The following CDIN1 variants were observed in gnomAD, a reference collection of about 807,000 sequenced individuals.
The protein encoded by CDIN1 is CDAN1-interacting nuclease 1.
In CDIN1, 33 loss-of-function variants were observed where a neutral mutation model predicts 45.3. That is an observed-to-expected ratio of 0.73 (90% confidence interval 0.55 to 0.97). The LOEUF (loss-of-function observed/expected upper bound fraction) is 0.97. CDIN1 is among the 50% of genes least tolerant of loss of function. The pLI is 0.00. For synonymous variants in CDIN1, 118 were observed against 124.4 expected, an observed-to-expected ratio of 0.95 and a Z score of 0.34; for missense variants, 303 against 339.4, an observed-to-expected ratio of 0.89 and a Z score of 0.84.
intron 10 of CDIN1, among the ~76,000 whole-genome samples, chr15:36,730,497 G>T (rs1457844704): frequency 6.6e-6 from 1 of 152,094 alleles, no homozygotes; most frequent in East Asian, 1.9e-4. Flanking sequence ...AGTAGGCAGA[G>T]TAAGAGTGTT....
At chr15:36,652,759 C>A (rs188828535) in intron 3 of CDIN1, among the ~76,000 whole-genome samples, 1 of 152,220 alleles carries the variant, frequency 6.6e-6, no homozygotes, top group Admixed American at 6.5e-5. Context: ...TTTGCTGTTA[C>A]CCCACTTTGC....
At chr15:36,746,024 T>C (rs1471066978) in intron 10 of CDIN1, among the ~76,000 whole-genome samples, 3 of 152,066 alleles carry the variant, frequency 2.0e-5, no homozygotes, top group Non-Finnish European at 4.4e-5. Flanking sequence ...CAGAAATATA[T>C]ACAAAAAACA....
chr15:36,746,499 AT>A, intron 10 of CDIN1, among the ~76,000 whole-genome samples: 1 of 152,124 alleles, frequency 6.6e-6, no homozygotes, highest in Non-Finnish European at 1.5e-5. Context: ...AATCATTTGC[AT>A]TGTTTAGTGT....
intron 5 of CDIN1, among the ~76,000 whole-genome samples, chr15:36,662,243 C>T (rs1381865681): frequency 3.3e-5 from 5 of 152,080 alleles, no homozygotes; most frequent in Admixed American, 6.6e-5. Flanking sequence ...TGTAATTTGC[C>T]GTAAAGATGA....
chr15:36,793,917 G>A (rs12592405), intron 10 of CDIN1, among the ~76,000 whole-genome samples: 130,315 of 151,620 alleles, frequency 0.86, 59,517 homozygotes, highest in Non-Finnish European at 1. Context: ...CATCTGTTTC[G>A]CTAGTTATCT....
chr15:36,619,372 A>T, intron 1 of CDIN1: 2 of 386,986 alleles, frequency 5.2e-6, no homozygotes, highest in East Asian at 4.1e-5. Flanking sequence ...GGAAGGAAAC[A>T]GGAGAAAGTA....
At chr15:36,711,759 T>C (rs1566922524) in intron 10 of CDIN1, among the ~76,000 whole-genome samples, 1 of 152,158 alleles carries the variant, frequency 6.6e-6, no homozygotes, top group Non-Finnish European at 1.5e-5. Flanking sequence ...GGAGTAAACG[T>C]CACAGAAGTC....
At chr15:36,656,360 T>G (rs2040783149) in intron 4 of CDIN1, among the ~76,000 whole-genome samples, 1 of 152,124 alleles carries the variant, frequency 6.6e-6, no homozygotes, top group Admixed American at 6.5e-5. Context: ...ATTATCTTTT[T>G]GGGGGGCTAA....
chr15:36,779,179 C>A (rs904215880), intron 10 of CDIN1, among the ~76,000 whole-genome samples: 6 of 152,132 alleles, frequency 3.9e-5, no homozygotes, highest in African/African-American at 1.4e-4. Flanking sequence ...CAACACGGGG[C>A]TTCAAGGAAA....
At chr15:36,779,196 C>T (rs2054291254) in intron 10 of CDIN1, among the ~76,000 whole-genome samples, 1 of 152,184 alleles carries the variant, frequency 6.6e-6, no homozygotes, top group South Asian at 2.1e-4. Context: ...GAAACCACTA[C>T]CAAACAATTA....
intron 6 of CDIN1, 135 bp downstream of exon 6, chr15:36,691,899 G>C: frequency 1.3e-6 from 1 of 778,222 alleles, no homozygotes; most frequent in Non-Finnish European, 2.1e-6. Context: ...TGGCAATGCA[G>C]TATTTGCGAG....
chr15:36,601,892 C>T (rs762433117), intron 1 of CDIN1, among the ~76,000 whole-genome samples: 9 of 152,184 alleles, frequency 5.9e-5, no homozygotes, highest in Admixed American at 2.0e-4. Flanking sequence ...GAACCTGACA[C>T]GATCATAGCA....
At chr15:36,642,250 ACT>A (rs2040139720) in intron 1 of CDIN1, among the ~76,000 whole-genome samples, 1 of 152,064 alleles carries the variant, frequency 6.6e-6, no homozygotes, top group South Asian at 2.1e-4. Context: ...TGGTCAGAAC[ACT>A]CTTCTATAAG....
intron 10 of CDIN1, among the ~76,000 whole-genome samples, chr15:36,741,176 A>G (rs1304832335): frequency 1.3e-5 from 2 of 152,198 alleles, no homozygotes; most frequent in Non-Finnish European, 2.9e-5. Flanking sequence ...CTGTAGTTTC[A>G]GGGCACTGAA....
intron 1 of CDIN1, chr15:36,613,903 G>C: frequency 2.6e-6 from 4 of 1,553,692 alleles, no homozygotes; most frequent in Non-Finnish European, 3.5e-6. Flanking sequence ...AACGCACAGA[G>C]AATGAGCTGA....
intron 10 of CDIN1, among the ~76,000 whole-genome samples, chr15:36,789,188 TA>T (rs1412909180): frequency 1.3e-5 from 2 of 152,236 alleles, no homozygotes; most frequent in Non-Finnish European, 2.9e-5. Context: ...TGACTGTCCC[TA>T]GTGCTTCCAT....
chr15:36,785,124 C>T (rs1421899322), intron 10 of CDIN1, among the ~76,000 whole-genome samples: 1 of 152,166 alleles, frequency 6.6e-6, no homozygotes, highest in Non-Finnish European at 1.5e-5. Context: ...TTGCACATTT[C>T]TGAGAATGGG....
chr15:36,786,183 T>C (rs1007748638), intron 10 of CDIN1, among the ~76,000 whole-genome samples: 6 of 152,230 alleles, frequency 3.9e-5, no homozygotes, highest in Non-Finnish European at 5.9e-5. Context: ...TAATTAGAGT[T>C]CAAAGCTGTA....
chr15:36,609,743 C>G (rs1433820621), intron 1 of CDIN1, among the ~76,000 whole-genome samples: 1 of 152,200 alleles, frequency 6.6e-6, no homozygotes, highest in Non-Finnish European at 1.5e-5. Flanking sequence ...AGTTTTGCTG[C>G]AGTGCTAAGA....
Sources: allele counts gnomAD v4.1 joint callset (sites outside exome capture counted in the v4.1 genomes callset), GRCh38; gene constraint gnomAD v4.1.1; transcripts MANE v1.5; gene names NCBI Gene and HGNC (gene_info 2026-07-23, HGNC 2026-07-21).